The following FBXL7 variants were observed in gnomAD, a reference collection of about 807,000 sequenced individuals.
The protein encoded by FBXL7 is F-box/LRR-repeat protein 7.
FBXL7 carries 12 observed loss-of-function variants against 38.3 expected under a neutral mutation model. The observed-to-expected ratio is 0.31, with a 90% confidence interval of 0.20 to 0.51. The LOEUF (loss-of-function observed/expected upper bound fraction) is 0.51, where lower values mean the gene tolerates loss of function less well. FBXL7 is among the 20% of genes least tolerant of loss of function. The pLI is 0.98. For synonymous variants in FBXL7, 297 were observed against 300.9 expected, an observed-to-expected ratio of 0.99 and a Z score of 0.13; for missense variants, 567 against 676.4, an observed-to-expected ratio of 0.84 and a Z score of 1.79.
At chr5:15,595,126 T>C (rs1173414374) in intron 1 of FBXL7, among the ~76,000 whole-genome samples, 1 of 152,182 alleles carries the variant, frequency 6.6e-6, no homozygotes, top group Non-Finnish European at 1.5e-5. Flanking sequence ...TGTAAGAAGA[T>C]AGGAATGCAG....
At chr5:15,619,862 A>T (rs1740568368) in intron 2 of FBXL7, among the ~76,000 whole-genome samples, 1 of 152,162 alleles carries the variant, frequency 6.6e-6, no homozygotes, top group Non-Finnish European at 1.5e-5. Flanking sequence ...AGGTGTATGT[A>T]TGTGTGCATT....
At chr5:15,517,872 G>C (rs1736986180) in intron 1 of FBXL7, among the ~76,000 whole-genome samples, 1 of 152,184 alleles carries the variant, frequency 6.6e-6, no homozygotes, top group Admixed American at 6.5e-5. Flanking sequence ...TCTTTGGAGG[G>C]AGCTGCCCTC....
intron 2 of FBXL7, among the ~76,000 whole-genome samples, chr5:15,764,500 T>G (rs779383022): frequency 7.2e-5 from 11 of 152,170 alleles, no homozygotes; most frequent in Non-Finnish European, 1.2e-4. Context: ...TACAGAGGCC[T>G]CTAGGATCCA....
intron 2 of FBXL7, among the ~76,000 whole-genome samples, chr5:15,787,269 G>A (rs1200783302): frequency 6.6e-6 from 1 of 152,206 alleles, no homozygotes; most frequent in Non-Finnish European, 1.5e-5. Context: ...TGAAGAGCTT[G>A]TAATATATGA....
At chr5:15,927,787 A>AT in intron 2 of FBXL7, 103 bp from the exon 3 acceptor site, 23 of 751,910 alleles carry the variant, frequency 3.1e-5, no homozygotes, top group Non-Finnish European at 3.5e-5. Flanking sequence ...AAAAAAAAAA[A>AT]GAAGAAGAAA....
At chr5:15,754,741 G>A (rs976931931) in intron 2 of FBXL7, among the ~76,000 whole-genome samples, 3 of 152,160 alleles carry the variant, frequency 2.0e-5, no homozygotes, top group Non-Finnish European at 2.9e-5. Context: ...GCACAAGCAC[G>A]TACATTATTA....
chr5:15,579,367 A>G (rs1030308188), intron 1 of FBXL7, among the ~76,000 whole-genome samples: 1 of 152,224 alleles, frequency 6.6e-6, no homozygotes, highest in African/African-American at 2.4e-5. Flanking sequence ...CTGGGACGCC[A>G]GATGCTGCTT....
chr5:15,578,291 T>G (rs1242311216), intron 1 of FBXL7, among the ~76,000 whole-genome samples: 3 of 152,144 alleles, frequency 2.0e-5, no homozygotes. Context: ...AATGTATTTC[T>G]TGAGATGAGA....
intron 2 of FBXL7, among the ~76,000 whole-genome samples, chr5:15,848,451 G>A (rs527530509): frequency 3.9e-5 from 6 of 152,078 alleles, no homozygotes; most frequent in Middle Eastern, 6.8e-3. Flanking sequence ...GCGTGATTTC[G>A]GCTCACTGAA....
rs147249925 is a variant in FBXL7 at position 15,530,634 on chromosome 5, G to GA, written c.37+29927dup. On this transcript the variant is annotated intron_variant, in intron 1 of 3. Coordinates refer to ENST00000504595, the MANE Select transcript of FBXL7 (RefSeq NM_012304.5). ...TGTTATGGTTATCGTTTATTGTAGT[G>GA]AAAAAACAGATTAAAATCAGCAAAG... Among the ~76,000 whole-genome samples the GA allele has an allele frequency of 6.9e-3, 1,058 of 152,240 alleles. 10 individuals are homozygous for GA. Among genetic ancestry groups the GA allele is most frequent in the African/African-American group, 0.024 (986 of 41,536 alleles).
chr5:15,692,888 C>T (rs1743224388), intron 2 of FBXL7, among the ~76,000 whole-genome samples: 1 of 152,038 alleles, frequency 6.6e-6, no homozygotes, highest in Non-Finnish European at 1.5e-5. Flanking sequence ...AGTGCTGGCT[C>T]CTCCTTCATT....
At chr5:15,724,427 C>A (rs908908046) in intron 2 of FBXL7, among the ~76,000 whole-genome samples, 6 of 152,132 alleles carry the variant, frequency 3.9e-5, no homozygotes, top group African/African-American at 1.2e-4. Flanking sequence ...CACCCTGTAA[C>A]CACCGCCACC....
intron 2 of FBXL7, among the ~76,000 whole-genome samples, chr5:15,916,389 T>C (rs975612192): frequency 6.6e-6 from 1 of 152,254 alleles, no homozygotes; most frequent in Non-Finnish European, 1.5e-5. Flanking sequence ...ATGGTCTAGA[T>C]TGAAAATCGA....
chr5:15,673,142 C>G (rs867834757), intron 2 of FBXL7, among the ~76,000 whole-genome samples: 1 of 151,890 alleles, frequency 6.6e-6, no homozygotes, highest in African/African-American at 2.4e-5. Flanking sequence ...ATGGCAAAAC[C>G]CCGTCTCCAC....
chr5:15,501,660 C>G, intron 1 of FBXL7: 1 of 985,496 alleles, frequency 1.0e-6, no homozygotes, highest in Non-Finnish European at 1.2e-6. Context: ...GCTAGCTATT[C>G]AGCCTGTGGC....
intron 1 of FBXL7, among the ~76,000 whole-genome samples, chr5:15,600,473 A>T (rs1252029651): frequency 6.6e-6 from 1 of 152,120 alleles, no homozygotes; most frequent in Non-Finnish European, 1.5e-5. Context: ...GGGTCTGTTC[A>T]TTTGGTAGGG....
chr5:15,932,272 G>A lies in FBXL7; in HGVS notation c.739+3771G>A, dbSNP rs552103322. On this transcript the variant is annotated intron_variant, in intron 3 of 3. Transcript: ENST00000504595. ...AAACACATGCTCTGAAGGGAACCAC[G>A]TAGGAGGCACTCAATAAATCGCAGC... is the stretch of plus-strand genomic sequence containing the variant. Among the ~76,000 whole-genome samples the A allele has an allele frequency of 2.2e-4, 34 of 152,230 alleles. No homozygotes were observed. In the East Asian group the frequency reaches 4.1e-3, roughly 18 times the overall value.
intron 2 of FBXL7, among the ~76,000 whole-genome samples, chr5:15,732,983 C>A (rs2126665436): frequency 6.6e-6 from 1 of 152,240 alleles, no homozygotes; most frequent in Non-Finnish European, 1.5e-5. Flanking sequence ...AGAAGTCAAA[C>A]TATCCAGACA....
chr5:15,668,891 T>C (rs1742370171), intron 2 of FBXL7, among the ~76,000 whole-genome samples: 1 of 152,252 alleles, frequency 6.6e-6, no homozygotes, highest in Admixed American at 6.5e-5. Context: ...GTCTGCATTT[T>C]AGTTTTTCCA....
Sources: gnomAD v4.1 joint callset for allele counts (sites outside exome capture counted in the v4.1 genomes callset) on GRCh38, gnomAD v4.1.1 for gene constraint, MANE v1.5 for transcripts, NCBI Gene and HGNC (gene_info 2026-07-23, HGNC 2026-07-21) for gene names.